Variants in CXCL8 observed in about 807,000 individuals in gnomAD.
The protein encoded by CXCL8 is interleukin-8.
A neutral mutation model predicts 10.9 loss-of-function variants in CXCL8; 12 were observed. That is an observed-to-expected ratio of 1.10 (90% CI 0.71 to 1.79). The LOEUF is 1.79. Ranked by LOEUF, CXCL8 falls within the 40% of genes most tolerant of loss-of-function variation. The pLI is 0.00. For synonymous variants in CXCL8, 41 were observed against 39.6 expected (o/e 1.03, Z -0.13); for missense variants, 145 against 113.4 (o/e 1.28, Z -1.26).
At chr4:73,740,792 C>A in intron 1 of CXCL8, 70 bp downstream of exon 1, 3 of 1,216,736 alleles carry the variant, frequency 2.5e-6, no homozygotes, top group Non-Finnish European at 3.6e-6. Context: ...CAAAGCTATT[C>A]TTGATGCTTT....
Position 73,740,594 on chromosome 4 carries a change from C to T in CXCL8, c.-65C>T, listed in dbSNP as rs1729142479. 2.7e-6 allele frequency: 4 copies of T among 1,469,192 alleles called. No individual in the cohort carries two copies. In the East Asian group the frequency reaches 9.2e-5, roughly 34 times the overall value. The allele number at this position is 1,469,192 out of a possible 1,614,324, so 91.0% of individuals were successfully genotyped here. ...ACAAACTTTCAGAGACAGCAGAGCA[C>T]ACAAGCTTCTAGGACAAGAGCCAGG... On this transcript the variant is annotated 5_prime_UTR_variant, in exon 1 of 4. Transcript: ENST00000307407.
chr4:73,741,797 T>TAA (rs2227541), intron 2 of CXCL8, 120 bp downstream of exon 2: 3 of 1,036,732 alleles, frequency 2.9e-6, no homozygotes, highest in East Asian at 5.1e-5. Context: ...CAAAACAAAA[T>TAA]AAAAATATTT....
intron 1 of CXCL8, among the ~76,000 whole-genome samples, chr4:73,741,044 A>C (rs896670731): frequency 6.6e-6 from 1 of 152,190 alleles, no homozygotes; most frequent in African/African-American, 2.4e-5. Context: ...TATTGAGTTG[A>C]GCAAGGTAAC....
chr4:73,743,266 T>G lies in CXCL8; in HGVS notation c.*802T>G, dbSNP rs1729230424. On this transcript the variant is annotated 3_prime_UTR_variant, in exon 4 of 4. Transcript: ENST00000307407. ...TGATGTTTTATTAGATAAATTTCAA[T>G]CAGGGTTTTTAGATTAAACAAACAA... The G allele has an allele frequency of 4.6e-6, 1 of 218,130 alleles. No homozygotes were observed. The highest frequency in any genetic ancestry group is 2.2e-5 in the African/African-American group (1 of 44,698). 13.5% of individuals were successfully genotyped at this position (218,130 alleles called of 1,614,324 possible).
At chr4:73,741,431 C>T (rs1729169698) in intron 1 of CXCL8, 111 bp from the exon 2 acceptor site, 2 of 1,004,152 alleles carry the variant, frequency 2.0e-6, no homozygotes, top group African/African-American at 1.6e-5. Context: ...TCACTAGAAA[C>T]ATGATGCCTT....
rs1729237781 is a variant in CXCL8, at chr4:73,743,543, A to C, written c.*1079A>C. 5.1e-6 allele frequency: 1 copy of C among 196,860 alleles called. No individual in the cohort carries two copies. The highest frequency in any genetic ancestry group is 1.0e-5 in the Non-Finnish European group (1 of 95,272). The allele number at this position is 196,860 out of a possible 1,614,324, so 12.2% of individuals were successfully genotyped here. ...GCTGGTTGAAACTTGTTTATTATGT[A>C]CAAATAGATTCTTATAATATTATTT... On this transcript the variant is annotated 3_prime_UTR_variant, in exon 4 of 4. Transcript: ENST00000307407.
At chr4:73,742,394 C>A in intron 3 of CXCL8, 55 bp from the exon 4 acceptor site, 2 of 868,944 alleles carry the variant, frequency 2.3e-6, no homozygotes, top group South Asian at 1.7e-5. Context: ...TTCAAGAACC[C>A]TACTTTCCTT....
chr4:73,740,853 A>G, intron 1 of CXCL8, 131 bp downstream of exon 1: 2 of 713,546 alleles, frequency 2.8e-6, no homozygotes, highest in Non-Finnish European at 2.3e-6. Flanking sequence ...TTAGCAGTCA[A>G]TTAATGTTAA....
chr4:73,741,870 A>C, intron 2 of CXCL8, 79 bp from the exon 3 acceptor site: 1 of 1,178,712 alleles, frequency 8.5e-7, no homozygotes, highest in Non-Finnish European at 1.3e-6. Flanking sequence ...TTGGACTTAG[A>C]CTTTATGCCT....
intron 2 of CXCL8, 87 bp from the exon 3 acceptor site, chr4:73,741,862 G>T: frequency 8.9e-7 from 1 of 1,129,252 alleles, no homozygotes; most frequent in Non-Finnish European, 1.3e-6. Flanking sequence ...ATGTTATTTT[G>T]GACTTAGACT....
rs369603475 is a variant in CXCL8, at chr4:73,742,151, T to TA, written c.284+129dup. 1.8e-5 allele frequency: 10 copies of TA among 558,416 alleles called. No individual in the cohort carries two copies. In the African/African-American group the frequency reaches 1.9e-4, roughly 11 times the overall value. 34.6% of individuals were successfully genotyped at this position (558,416 alleles called of 1,614,324 possible). A position where few individuals can be genotyped will look rare whatever the true frequency, so the allele number is the denominator to read the frequency against. ...GTCATTAGGTATCTGCCTTTTTGGT[T>TA]AAAAAAAAAAGGAATAGCATCAATA... On this transcript the variant is annotated intron_variant, in intron 3 of 3. Coordinates refer to ENST00000307407, the MANE Select transcript of CXCL8 (RefSeq NM_000584.4).
At position 73,743,451 on chromosome 4, in the gene CXCL8, A is replaced by C. The variant is rs1325045685; in HGVS notation, c.*987A>C. 4.9e-6 allele frequency: 1 copy of C among 204,044 alleles called. No homozygotes were observed. The highest frequency in any genetic ancestry group is 1.0e-5 in the Non-Finnish European group (1 of 99,832). 12.6% of individuals were successfully genotyped at this position (204,044 alleles called of 1,614,324 possible). ...AGCTGTGTTGGTAGTGCTGTGTTGA[A>C]TTACGGAATAATGAGTTAGAACTAT... On this transcript the variant is annotated 3_prime_UTR_variant, in exon 4 of 4. Coordinates refer to ENST00000307407, the MANE Select transcript of CXCL8 (RefSeq NM_000584.4).
chr4:73,741,524 C>T lies in CXCL8; in HGVS notation c.65-18C>T, dbSNP rs372326915. ...CCTGTTGATAAAATCAATCCTTAATCACTTTTTCCCCCAACAGGTGCAGTT... is the reference window on the plus strand; with the variant it reads ...CCTGTTGATAAAATCAATCCTTAATTACTTTTTCCCCCAACAGGTGCAGTT... On this transcript the variant is annotated intron_variant, in intron 1 of 3. Transcript: ENST00000307407. 2 of 1,610,820 alleles carry T rather than the reference C, an allele frequency of 1.2e-6. No homozygotes were observed. Among genetic ancestry groups the T allele is most frequent in the Non-Finnish European group, 1.7e-6 (2 of 1,178,512 alleles).
chr4:73,743,466 G>A lies in CXCL8; in HGVS notation c.*1002G>A, dbSNP rs1729236244. The A allele has an allele frequency of 4.9e-6, 1 of 203,356 alleles. No homozygotes were observed. The highest frequency in any genetic ancestry group is 2.3e-5 in the African/African-American group (1 of 43,766). 12.6% of individuals were successfully genotyped at this position (203,356 alleles called of 1,614,324 possible). A position where few individuals can be genotyped will look rare whatever the true frequency, so the allele number is the denominator to read the frequency against. On this transcript the variant is annotated 3_prime_UTR_variant, in exon 4 of 4. Coordinates refer to ENST00000307407, the MANE Select transcript of CXCL8 (RefSeq NM_000584.4). ...GCTGTGTTGAATTACGGAATAATGA[G>A]TTAGAACTATTAAAACAGCCAAAAC...
chr4:73,742,467 A>G lies in CXCL8; in HGVS notation c.*3A>G. 2 of 1,453,380 alleles carry G rather than the reference A, an allele frequency of 1.4e-6. No homozygotes were observed. Among genetic ancestry groups the G allele is most frequent in the Non-Finnish European group, 1.9e-6 (2 of 1,048,820 alleles). The allele number at this position is 1,453,380 out of a possible 1,614,324, so 90.0% of individuals were successfully genotyped here. The stretch of plus-strand genomic sequence containing the variant: ...ATTTTAGGGCTGAGAATTCATAAAA[A>G]AATTCATTCTCTGTGGTATCCAAGA... On this transcript the variant is annotated 3_prime_UTR_variant, in exon 4 of 4. Coordinates refer to ENST00000307407, the MANE Select transcript of CXCL8 (RefSeq NM_000584.4).
chr4:73,742,275 T>C, intron 3 of CXCL8, 174 bp from the exon 4 acceptor site: 1 of 576,716 alleles, frequency 1.7e-6, no homozygotes, highest in Non-Finnish European at 3.1e-6. Context: ...AAGTTCTTTG[T>C]CACTCCCAGT....
intron 1 of CXCL8, among the ~76,000 whole-genome samples, chr4:73,741,339 G>A (rs1472367345): frequency 1.3e-5 from 2 of 152,110 alleles, no homozygotes; most frequent in African/African-American, 4.8e-5. Context: ...ATAGGAAGTC[G>A]TTCAATGTTG....
intron 3 of CXCL8, 22 bp downstream of exon 3, chr4:73,742,054 T>A (rs759066024): frequency 7.1e-7 from 1 of 1,417,524 alleles, no homozygotes; most frequent in South Asian, 1.3e-5. Flanking sequence ...ATTTTTTAAT[T>A]TAAATTTTTC....
intron 1 of CXCL8, 64 bp from the exon 2 acceptor site, chr4:73,741,478 G>C (rs1399684489): frequency 6.7e-7 from 1 of 1,485,130 alleles, no homozygotes; most frequent in East Asian, 2.3e-5. Context: ...AATTAGAAAG[G>C]AAGTAGCTGG....
Sources: allele counts gnomAD v4.1 joint callset (sites outside exome capture counted in the v4.1 genomes callset), GRCh38; gene constraint gnomAD v4.1.1; transcripts MANE v1.5; gene names NCBI Gene and HGNC (gene_info 2026-07-23, HGNC 2026-07-21).